The following NCOA3 variants were observed in gnomAD, a reference collection of about 807,000 sequenced individuals.
NCOA3 encodes CBP-interacting protein.
Under a neutral mutation model 158.8 loss-of-function variants are expected in NCOA3, and 51 were observed. The observed-to-expected ratio is 0.32, with a 90% CI of 0.26 to 0.41. The LOEUF (loss-of-function observed/expected upper bound fraction) is 0.41. Ranked by LOEUF, NCOA3 falls within the 10% of genes least tolerant of loss-of-function variation. NCOA3 has a pLI of 1.00. For synonymous variants in NCOA3, 537 were observed against 592.4 expected (o/e 0.91, Z 1.36); for missense variants, 1,510 against 1,746.6 (o/e 0.86, Z 2.41).
At chr20:47,502,211 G>C (rs552132892) in intron 1 of NCOA3, among the ~76,000 whole-genome samples, 192 bp downstream of exon 1, 1 of 151,808 alleles carries the variant, frequency 6.6e-6, no homozygotes, top group Middle Eastern at 3.2e-3. Flanking sequence ...CCCTCAGCCC[G>C]GGGGGCGGCC....
intron 2 of NCOA3, among the ~76,000 whole-genome samples, chr20:47,600,164 A>G (rs979083500): frequency 7.0e-6 from 1 of 141,952 alleles, no homozygotes; most frequent in African/African-American, 2.8e-5. Flanking sequence ...TATTTTATAT[A>G]TATATATTTT....
At chr20:47,536,748 C>T (rs1602364687) in intron 1 of NCOA3, among the ~76,000 whole-genome samples, 1 of 151,744 alleles carries the variant, frequency 6.6e-6, no homozygotes, top group South Asian at 2.1e-4. Context: ...GCATGGGCCT[C>T]CTAAAATGCT....
intron 1 of NCOA3, among the ~76,000 whole-genome samples, chr20:47,539,307 T>C (rs550625644): frequency 1.3e-5 from 2 of 152,308 alleles, no homozygotes; most frequent in South Asian, 4.1e-4. Flanking sequence ...ACCATCGTAC[T>C]ATATGTAGCC....
At chr20:47,503,502 A>C (rs546041360) in intron 1 of NCOA3, among the ~76,000 whole-genome samples, 58 of 152,338 alleles carry the variant, frequency 3.8e-4, no homozygotes, top group Admixed American at 1.2e-3. Context: ...GGTTTTTAGA[A>C]TATCCTTGGT....
chr20:47,622,357 A>G, intron 3 of NCOA3, 27 bp downstream of exon 3: 3 of 1,432,362 alleles, frequency 2.1e-6, no homozygotes, highest in South Asian at 1.3e-5. Flanking sequence ...CTGGTGCTTT[A>G]CCACACTTGT....
In NCOA3 at chr20:47,635,524, A is replaced by G; in HGVS notation, c.1315A>G (p.Ile439Val). 1.2e-6 allele frequency: 2 copies of G among 1,614,158 alleles called. No individual in the cohort carries two copies. The highest frequency in any genetic ancestry group is 1.6e-4 in the Middle Eastern group (1 of 6,062). Residue 439 changes from isoleucine to valine, a missense_variant, in exon 11 of 23, where the codon ATA becomes GTA. Around this residue, in one of 4 missense-constraint regions of NCOA3, gnomAD observed 1,017 missense variants for 1,098.3 expected, o/e 0.93. Coordinates refer to ENST00000371998, the MANE Select transcript of NCOA3 (RefSeq NM_181659.3). ...SGARYGGSSN[I>V]ASLTPGPGMQ... ...AGCTAGGTATGGGGGTTCCAGTAAC[A>G]TAGCTTCATTGACCCCTGGGCCAGG...
intron 5 of NCOA3, among the ~76,000 whole-genome samples, chr20:47,625,796 G>T (rs1367640266): frequency 3.3e-5 from 5 of 152,066 alleles, no homozygotes; most frequent in African/African-American, 1.2e-4. Context: ...GGGTACAAAT[G>T]GCCCTTCATA....
At chr20:47,644,234 G>C (rs1411693102) in intron 17 of NCOA3, among the ~76,000 whole-genome samples, 1 of 151,408 alleles carries the variant, frequency 6.6e-6, no homozygotes, top group East Asian at 1.9e-4. Context: ...CCACCTCCTG[G>C]GTTCAAGCCA....
intron 1 of NCOA3, among the ~76,000 whole-genome samples, chr20:47,578,803 T>C (rs966530723): frequency 6.6e-6 from 1 of 152,204 alleles, no homozygotes; most frequent in South Asian, 2.1e-4. Context: ...TCTGTGATTT[T>C]AGGGAAGTGA....
chr20:47,583,822 G>A (rs1332078174), intron 2 of NCOA3, among the ~76,000 whole-genome samples: 1 of 152,112 alleles, frequency 6.6e-6, no homozygotes, highest in African/African-American at 2.4e-5. Flanking sequence ...CAGACATAGT[G>A]GCCTGTGCCT....
chr20:47,508,007 A>G (rs774963113), intron 1 of NCOA3, among the ~76,000 whole-genome samples: 4 of 152,134 alleles, frequency 2.6e-5, no homozygotes, highest in Non-Finnish European at 5.9e-5. Flanking sequence ...CTCCTCAGCT[A>G]TCAATGTAGG....
chr20:47,504,406 G>A (rs1010670088), intron 1 of NCOA3, among the ~76,000 whole-genome samples: 1 of 148,530 alleles, frequency 6.7e-6, no homozygotes, highest in South Asian at 2.2e-4. Context: ...GCTTACTAAT[G>A]TCTTCTTGAC....
intron 1 of NCOA3, among the ~76,000 whole-genome samples, chr20:47,560,134 C>T (rs1197738467): frequency 3.3e-5 from 5 of 152,258 alleles, no homozygotes; most frequent in East Asian, 1.9e-4. Flanking sequence ...GGCTAGAGTG[C>T]TGTGGCACAA....
intron 2 of NCOA3, among the ~76,000 whole-genome samples, chr20:47,616,239 G>A (rs73624685): frequency 0.21 from 30,614 of 147,706 alleles, 3,610 homozygotes; most frequent in Middle Eastern, 0.29. Context: ...TGTTGCCCAG[G>A]CTGGAGTACA....
At chr20:47,520,242 A>G (rs1194588406) in intron 1 of NCOA3, among the ~76,000 whole-genome samples, 2 of 151,200 alleles carry the variant, frequency 1.3e-5, no homozygotes, top group Non-Finnish European at 3.0e-5. Context: ...CTGGCTTTTA[A>G]AGGAACAGGG....
At chr20:47,612,054 C>T (rs548383713) in intron 2 of NCOA3, among the ~76,000 whole-genome samples, 7 of 152,122 alleles carry the variant, frequency 4.6e-5, no homozygotes, top group African/African-American at 1.2e-4. Context: ...CTTGAAGTCC[C>T]GGGTTCAAGC....
At chr20:47,595,896 A>G (rs531988575) in intron 2 of NCOA3, among the ~76,000 whole-genome samples, 1 of 152,312 alleles carries the variant, frequency 6.6e-6, no homozygotes, top group Admixed American at 6.5e-5. Context: ...GGAGGATTAA[A>G]TGGGAGTAAT....
intron 18 of NCOA3, among the ~76,000 whole-genome samples, chr20:47,647,998 T>G (rs2086719943): frequency 1.4e-5 from 2 of 147,458 alleles, no homozygotes; most frequent in Non-Finnish European, 3.0e-5. Flanking sequence ...TACTGCAACC[T>G]CCACCTTCTG....
intron 3 of NCOA3, among the ~76,000 whole-genome samples, chr20:47,623,224 T>TATC (rs2086269702): frequency 1.3e-5 from 2 of 152,198 alleles, no homozygotes; most frequent in South Asian, 4.1e-4. Context: ...AGTTGAAAAA[T>TATC]ATCAATCTAC....
Sources: allele counts gnomAD v4.1 joint callset (sites outside exome capture counted in the v4.1 genomes callset), GRCh38; gene constraint gnomAD v4.1.1; regional missense constraint gnomAD v4.1.1; transcripts MANE v1.5; gene names NCBI Gene and HGNC (gene_info 2026-07-23, HGNC 2026-07-21).